The following DDC variants were observed in gnomAD, a reference collection of about 807,000 sequenced individuals.
The protein encoded by DDC is aromatic-L-amino-acid decarboxylase.
DDC carries 43 observed loss-of-function variants against 60.0 expected under a neutral mutation model. That is an observed-to-expected ratio of 0.72 (90% CI 0.56 to 0.92). DDC has a LOEUF of 0.92. Ranked by LOEUF, DDC falls within the 40% of genes least tolerant of loss-of-function variation. DDC has a pLI of 0.00. For synonymous variants in DDC, 232 were observed against 234.6 expected, an observed-to-expected ratio of 0.99 and a Z score of 0.10; for missense variants, 573 against 620.2, an observed-to-expected ratio of 0.92 and a Z score of 0.81.
chr7:50,466,500 A>G (rs2042400761), intron 13 of DDC, among the ~76,000 whole-genome samples: 1 of 136,440 alleles, frequency 7.3e-6, no homozygotes, highest in East Asian at 1.9e-4. Context: ...AAAGAAAAAA[A>G]AAAAAAAAAA....
At chr7:50,539,469 C>T (rs1433210572) in intron 3 of DDC, among the ~76,000 whole-genome samples, 1 of 152,122 alleles carries the variant, frequency 6.6e-6, no homozygotes, top group Non-Finnish European at 1.5e-5. Context: ...TGCTCCAAGG[C>T]TCTGGACACA....
At chr7:50,564,522 A>G (rs1176668822) in intron 1 of DDC, among the ~76,000 whole-genome samples, 1 of 152,250 alleles carries the variant, frequency 6.6e-6, no homozygotes, top group African/African-American at 2.4e-5. Flanking sequence ...ACTCAGAAGT[A>G]ATGGTTTTAA....
intron 1 of DDC, among the ~76,000 whole-genome samples, chr7:50,562,781 G>A (rs896826813): frequency 2.0e-5 from 3 of 152,184 alleles, no homozygotes; most frequent in Non-Finnish European, 2.9e-5. Context: ...GGTATGAGGA[G>A]GTGCTGATAT....
At chr7:50,492,804 C>T (rs1164995412) in intron 9 of DDC, 3 of 1,482,600 alleles carry the variant, frequency 2.0e-6, no homozygotes, top group East Asian at 2.5e-5. Context: ...AACTGAACCC[C>T]GAGCGCCGGG....
At chr7:50,545,053 T>C (rs1049898847) in intron 1 of DDC, among the ~76,000 whole-genome samples, 3 of 152,036 alleles carry the variant, frequency 2.0e-5, no homozygotes, top group Admixed American at 2.0e-4. Flanking sequence ...CATTTGGGGG[T>C]CATTTTAAAC....
At chr7:50,460,694 G>A (rs150438881) in intron 14 of DDC, among the ~76,000 whole-genome samples, 2,054 of 151,716 alleles carry the variant, frequency 0.014, 31 homozygotes, top group Non-Finnish European at 0.021. Context: ...TTTTCATTTT[G>A]TTCTGTACTA....
intron 9 of DDC, 25 bp downstream of exon 9, chr7:50,495,325 G>C: frequency 3.2e-6 from 5 of 1,586,116 alleles, no homozygotes; most frequent in Non-Finnish European, 4.3e-6. Context: ...ACAGGCAACT[G>C]ACATCTGTGA....
intron 6 of DDC, 101 bp downstream of exon 6, chr7:50,528,036 A>G: frequency 3.6e-6 from 5 of 1,375,786 alleles, no homozygotes; most frequent in Non-Finnish European, 5.0e-6. Flanking sequence ...AGCTGGGATT[A>G]CAAGAATGCG....
rs11302809 is a variant in DDC at position 50,462,768 on chromosome 7, G to GTTTTTTTTTTTT, written c.*18+433_*18+444dup. 2.2e-4 allele frequency among the ~76,000 whole-genome samples: 22 copies of GTTTTTTTTTTTT among 98,328 alleles called. 1 individual carries two copies. Among genetic ancestry groups the GTTTTTTTTTTTT allele is most frequent in the African/African-American group, 6.6e-4 (17 of 25,642 alleles). 64.5% of individuals were successfully genotyped at this position (98,328 alleles called of 152,430 possible). A position where few individuals can be genotyped will look rare whatever the true frequency, so the allele number is the denominator to read the frequency against. The stretch of plus-strand genomic sequence containing the variant: ...ATTAACATGGTTTTCTCTTCTTCTT[G>GTTTTTTTTTTTT]TTTTTTTTTTTTTTTTTTTTTGGAC... On this transcript the variant is annotated intron_variant, in intron 14 of 14. Coordinates refer to ENST00000444124, the MANE Select transcript of DDC (RefSeq NM_001082971.2).
At chr7:50,471,534 A>G (rs1388786123) in intron 11 of DDC, among the ~76,000 whole-genome samples, 1 of 152,186 alleles carries the variant, frequency 6.6e-6, no homozygotes, top group Admixed American at 6.5e-5. Flanking sequence ...TGACTCAGGC[A>G]TTCAGTGTGG....
At chr7:50,498,303 A>G (rs2043169950) in intron 8 of DDC, among the ~76,000 whole-genome samples, 1 of 152,242 alleles carries the variant, frequency 6.6e-6, no homozygotes, top group Non-Finnish European at 1.5e-5. Flanking sequence ...CACATGGGTG[A>G]GGTCTCACGA....
At chr7:50,515,322 A>G (rs1354114852) in intron 6 of DDC, among the ~76,000 whole-genome samples, 1 of 152,192 alleles carries the variant, frequency 6.6e-6, no homozygotes, top group Non-Finnish European at 1.5e-5. Flanking sequence ...ATCATATATG[A>G]AGGAAAGATA....
intron 10 of DDC, chr7:50,477,502 T>C: frequency 2.2e-6 from 1 of 456,508 alleles, no homozygotes; most frequent in Non-Finnish European, 4.4e-6. Flanking sequence ...GCCCTGACCA[T>C]GCTCAGCTGG....
chr7:50,555,365 G>C (rs1301917313), intron 1 of DDC, among the ~76,000 whole-genome samples: 4 of 152,138 alleles, frequency 2.6e-5, no homozygotes, highest in East Asian at 3.9e-4. Context: ...TTATTGGTGA[G>C]AGCTATTACT....
intron 13 of DDC, among the ~76,000 whole-genome samples, chr7:50,463,943 G>A (rs2153533120): frequency 6.6e-6 from 1 of 152,208 alleles, no homozygotes; most frequent in East Asian, 1.9e-4. Context: ...CACCAGCCTG[G>A]GGTAGGCGCA....
chr7:50,543,844 G>A (rs759433054), intron 2 of DDC, 41 bp downstream of exon 2: 3 of 1,586,686 alleles, frequency 1.9e-6, no homozygotes, highest in Non-Finnish European at 2.6e-6. Flanking sequence ...TGCTATGTGA[G>A]TTCTAGCCCT....
chr7:50,524,754 A>G (rs1015841665), intron 6 of DDC, among the ~76,000 whole-genome samples: 1 of 152,238 alleles, frequency 6.6e-6, no homozygotes, highest in African/African-American at 2.4e-5. Flanking sequence ...TCTGGAAAAT[A>G]CCTTGTCAGT....
chr7:50,557,736 G>A (rs756411286), intron 1 of DDC, among the ~76,000 whole-genome samples: 1 of 152,170 alleles, frequency 6.6e-6, no homozygotes, highest in Non-Finnish European at 1.5e-5. Flanking sequence ...CATATAGGTC[G>A]CACCTATTGG....
intron 13 of DDC, among the ~76,000 whole-genome samples, chr7:50,463,653 C>G (rs2042334286): frequency 6.6e-6 from 1 of 152,206 alleles, no homozygotes; most frequent in African/African-American, 2.4e-5. Context: ...TCTCTATATT[C>G]TGATGTGCCA....
Sources: allele counts gnomAD v4.1 joint callset (sites outside exome capture counted in the v4.1 genomes callset), GRCh38; gene constraint gnomAD v4.1.1; transcripts MANE v1.5; gene names NCBI Gene and HGNC (gene_info 2026-07-23, HGNC 2026-07-21).